Variants in WWOX observed in about 807,000 individuals in gnomAD.
The protein encoded by WWOX is WW domain-containing oxidoreductase.
A neutral mutation model predicts 46.2 loss-of-function variants in WWOX; 69 were observed. The ratio of observed to expected loss-of-function variants is 1.49; its 90% CI spans 1.23 to 1.82. The LOEUF (loss-of-function observed/expected upper bound fraction) is 1.82. WWOX is among the 40% of genes most tolerant of loss of function. WWOX has a pLI of 0.00. For missense variants in WWOX, 919 were observed against 542.6 expected (o/e 1.69, Z -6.89); for synonymous variants, 359 against 202.6 (o/e 1.77, Z -6.56).
At position 78,505,520 on chromosome 16, in the gene WWOX, G is replaced by A. The variant is rs575521723; in HGVS notation, c.1056+72768G>A. On this transcript the variant is annotated intron_variant, in intron 8 of 8. Transcript: ENST00000566780. Reference sequence around the variant, plus strand: ...TGGGCAGCCCAGGGAGACTGTTCAAGCACTGGATACCTAGACTCTGCTGGG... The same window carrying A: ...TGGGCAGCCCAGGGAGACTGTTCAAACACTGGATACCTAGACTCTGCTGGG... Among the ~76,000 whole-genome samples the A allele has an allele frequency of 7.2e-5, 11 of 152,284 alleles. No individual in the cohort carries two copies. In the South Asian group the frequency reaches 1.7e-3, roughly 23 times the overall value.
At chr16:78,632,389 C>G (rs530129277) in intron 8 of WWOX, among the ~76,000 whole-genome samples, 1 of 151,876 alleles carries the variant, frequency 6.6e-6, no homozygotes, top group African/African-American at 2.4e-5. Context: ...CCGCTACCTC[C>G]GTATTTGAGT....
intron 8 of WWOX, among the ~76,000 whole-genome samples, chr16:78,655,549 G>C (rs964589996): frequency 2.0e-5 from 3 of 152,034 alleles, no homozygotes; most frequent in Non-Finnish European, 4.4e-5. Flanking sequence ...TTAATCCCTT[G>C]TTTGGTCTAT....
At chr16:78,447,886 G>A (rs975511330) in intron 8 of WWOX, among the ~76,000 whole-genome samples, 4 of 152,094 alleles carry the variant, frequency 2.6e-5, no homozygotes, top group African/African-American at 9.6e-5. Flanking sequence ...TTTCTACAAC[G>A]TCCACCTCCT....
intron 8 of WWOX, among the ~76,000 whole-genome samples, chr16:78,463,022 C>G (rs1041460285): frequency 2.0e-5 from 3 of 152,194 alleles, no homozygotes; most frequent in African/African-American, 4.8e-5. Context: ...TTTATGCACA[C>G]TGGCTTTGAG....
At chr16:78,983,962 C>T (rs1017956189) in intron 8 of WWOX, among the ~76,000 whole-genome samples, 1 of 139,604 alleles carries the variant, frequency 7.2e-6, no homozygotes, top group Non-Finnish European at 1.5e-5. Flanking sequence ...ACTGCAAGCT[C>T]TGCATCCCAG....
chr16:78,866,482 C>T (rs189594069), intron 8 of WWOX, among the ~76,000 whole-genome samples: 1 of 152,158 alleles, frequency 6.6e-6, no homozygotes, highest in East Asian at 1.9e-4. Context: ...CCTCTTGTTC[C>T]TCTGTCCTTC....
intron 8 of WWOX, among the ~76,000 whole-genome samples, chr16:78,750,550 A>G (rs2049451369): frequency 2.6e-5 from 4 of 152,018 alleles, no homozygotes; most frequent in Admixed American, 2.6e-4. Context: ...ATATCTTGCA[A>G]GATACTGAGA....
chr16:78,213,585 C>T (rs1460614227), intron 5 of WWOX, among the ~76,000 whole-genome samples: 1 of 151,626 alleles, frequency 6.6e-6, no homozygotes, highest in East Asian at 1.9e-4. Context: ...TCAGATATTG[C>T]AGGATTTTTG....
At chr16:79,180,709 C>T (rs1291575386) in intron 8 of WWOX, among the ~76,000 whole-genome samples, 1 of 152,082 alleles carries the variant, frequency 6.6e-6, no homozygotes, top group African/African-American at 2.4e-5. Context: ...TTTCTTCATT[C>T]CTTTCTTGTC....
chr16:79,080,871 T>G (rs2048748054), intron 8 of WWOX, among the ~76,000 whole-genome samples: 1 of 152,182 alleles, frequency 6.6e-6, no homozygotes, highest in Non-Finnish European at 1.5e-5. Flanking sequence ...ATTTTGTATA[T>G]TTGGCAGGTA....
rs114909847 is a variant in WWOX at position 78,744,976 on chromosome 16, C to T, written c.1056+312224C>T. Among the ~76,000 whole-genome samples, 1,392 of 152,318 alleles carry T rather than the reference C, an allele frequency of 9.1e-3. 23 individuals carry two copies. Among genetic ancestry groups the T allele is most frequent in the African/African-American group, 0.032 (1,333 of 41,568 alleles). Reference sequence around the variant, plus strand: ...TCAGGCTGCGCTAAGCTGACTTCATCATGACTCCTGGCTTCCCCAGTCCCT... The same window carrying T: ...TCAGGCTGCGCTAAGCTGACTTCATTATGACTCCTGGCTTCCCCAGTCCCT... On this transcript the variant is annotated intron_variant, in intron 8 of 8. Transcript: ENST00000566780.
chr16:78,473,342 C>G (rs1234657640), intron 8 of WWOX, among the ~76,000 whole-genome samples: 3 of 152,148 alleles, frequency 2.0e-5, no homozygotes, highest in African/African-American at 7.2e-5. Flanking sequence ...GTTGGCCAGG[C>G]TAGTCTTGAA....
At chr16:78,312,974 G>C (rs572210813) in intron 5 of WWOX, among the ~76,000 whole-genome samples, 20 of 152,340 alleles carry the variant, frequency 1.3e-4, no homozygotes, top group African/African-American at 4.8e-4. Flanking sequence ...GGAGGGTTAA[G>C]TAGATACCTG....
chr16:78,531,949 A>G (rs2043633464), intron 8 of WWOX, among the ~76,000 whole-genome samples: 2 of 152,164 alleles, frequency 1.3e-5, no homozygotes, highest in South Asian at 4.1e-4. Context: ...CCACCTTCCC[A>G]AAAGGGTGGG....
rs1276615110 is a variant in WWOX at position 78,347,061 on chromosome 16, G to A, written c.517-39799G>A. Among the ~76,000 whole-genome samples, 3 of 118,312 alleles carry A rather than the reference G, an allele frequency of 2.5e-5. No homozygotes were observed. In the East Asian group the frequency reaches 5.8e-4, roughly 23 times the overall value. The allele number at this position is 118,312 out of a possible 152,430, so 77.6% of individuals were successfully genotyped here. ...TTCTTGCGTTTTTGTGGGGGTTGGG[G>A]TAATAGGTTTATTGAGATATAATTC... On this transcript the variant is annotated intron_variant, in intron 5 of 8. Coordinates refer to ENST00000566780, the MANE Select transcript of WWOX (RefSeq NM_016373.4).
At position 79,008,356 on chromosome 16, in the gene WWOX, G is replaced by A. The variant is rs533811966; in HGVS notation, c.1057-203252G>A. Among the ~76,000 whole-genome samples, 6 of 152,278 alleles carry A rather than the reference G, an allele frequency of 3.9e-5. No individual in the cohort carries two copies. In the East Asian group the frequency reaches 1.2e-3, roughly 29 times the overall value. ...GATTAGATCAGTCCCACTTAGGATT[G>A]AATCCCTTTTGATTAATGCAAAACC... On this transcript the variant is annotated intron_variant, in intron 8 of 8. Coordinates refer to ENST00000566780, the MANE Select transcript of WWOX (RefSeq NM_016373.4).
intron 5 of WWOX, among the ~76,000 whole-genome samples, chr16:78,381,051 A>G (rs1054544999): frequency 6.6e-6 from 1 of 152,152 alleles, no homozygotes; most frequent in African/African-American, 2.4e-5. Flanking sequence ...GCTTTCCTGA[A>G]GTCAAGTTGC....
chr16:78,822,451 G>A (rs935597614), intron 8 of WWOX, among the ~76,000 whole-genome samples: 6 of 151,500 alleles, frequency 4.0e-5, no homozygotes, highest in Non-Finnish European at 7.4e-5. Context: ...CTGAGACTGC[G>A]CCAGTGTACT....
intron 8 of WWOX, among the ~76,000 whole-genome samples, chr16:78,879,525 T>G (rs1204557112): frequency 1.3e-5 from 2 of 151,994 alleles, no homozygotes; most frequent in African/African-American, 4.8e-5. Flanking sequence ...AAATTTGGCC[T>G]TTGGCCTCGT....
Sources: gnomAD v4.1 joint callset for allele counts (sites outside exome capture counted in the v4.1 genomes callset) on GRCh38, gnomAD v4.1.1 for gene constraint, MANE v1.5 for transcripts, NCBI Gene and HGNC (gene_info 2026-07-23, HGNC 2026-07-21) for gene names.